MBD5: variants seen among roughly 807,000 people sequenced by gnomAD.
The protein encoded by MBD5 is methyl-CpG binding domain protein 5.
A neutral mutation model predicts 117.3 loss-of-function variants in MBD5; 13 were observed. That is an observed-to-expected ratio of 0.11 (90% CI 0.07 to 0.18). The LOEUF is 0.18. Ranked by LOEUF, MBD5 falls within the 10% of genes least tolerant of loss-of-function variation. MBD5 has a pLI of 1.00. For missense variants in MBD5, 1,879 were observed against 2,093.8 expected (o/e 0.90, Z 2.00); for synonymous variants, 727 against 766.4 (o/e 0.95, Z 0.85).
At chr2:148,433,933 C>CTTT (rs61171923) in intron 4 of MBD5, among the ~76,000 whole-genome samples, 12 of 145,410 alleles carry the variant, frequency 8.3e-5, no homozygotes, top group Non-Finnish European at 1.4e-4. Context: ...TTTCATTTTT[C>CTTT]TTTTTTTTTT....
chr2:148,328,116 T>G (rs1056100034), intron 3 of MBD5, among the ~76,000 whole-genome samples: 1 of 152,214 alleles, frequency 6.6e-6, no homozygotes, highest in African/African-American at 2.4e-5. Flanking sequence ...GGTGTCAGTC[T>G]GCCCCTGCTG....
intron 3 of MBD5, among the ~76,000 whole-genome samples, chr2:148,316,688 T>TA (rs1702165367): frequency 6.6e-6 from 1 of 152,166 alleles, no homozygotes; most frequent in African/African-American, 2.4e-5. Flanking sequence ...AAATACTTCT[T>TA]ACAATAATAA....
intron 1 of MBD5, among the ~76,000 whole-genome samples, chr2:148,108,442 G>A (rs911466547): frequency 6.6e-6 from 1 of 151,700 alleles, no homozygotes; most frequent in African/African-American, 2.4e-5. Flanking sequence ...GATCAATGTG[G>A]TGTGTCTAGT....
intron 4 of MBD5, among the ~76,000 whole-genome samples, chr2:148,446,768 G>A (rs1049028675): frequency 6.6e-6 from 1 of 151,950 alleles, no homozygotes; most frequent in Non-Finnish European, 1.5e-5. Context: ...AGTGTTTCAA[G>A]GATTATTTTA....
At chr2:148,038,440 C>CT (rs1558897557) in intron 1 of MBD5, among the ~76,000 whole-genome samples, 3 of 146,570 alleles carry the variant, frequency 2.0e-5, no homozygotes, top group Admixed American at 1.4e-4. Flanking sequence ...AGGGTTGTAT[C>CT]TTTTTTCTTT....
At chr2:148,421,534 T>G (rs968430343) in intron 4 of MBD5, among the ~76,000 whole-genome samples, 17 of 152,054 alleles carry the variant, frequency 1.1e-4, no homozygotes, top group African/African-American at 3.6e-4. Context: ...GCAGAAGTTT[T>G]TTTTTTTTTC....
chr2:148,266,791 G>C (rs575402148), intron 3 of MBD5, among the ~76,000 whole-genome samples: 52 of 152,038 alleles, frequency 3.4e-4, no homozygotes, highest in Non-Finnish European at 7.4e-4. Flanking sequence ...TTTATCTGAA[G>C]AAAACTATAA....
At chr2:148,473,601 A>C (rs572637951) in intron 8 of MBD5, among the ~76,000 whole-genome samples, 2 of 152,268 alleles carry the variant, frequency 1.3e-5, no homozygotes, top group South Asian at 4.1e-4. Flanking sequence ...TTCCATTGGT[A>C]ATCTATTTTT....
Position 148,489,967 on chromosome 2 carries a change from C to T in MBD5, c.4335C>T (p.Tyr1445=), listed in dbSNP as rs368825815. ...SPRGERNRWK[Y]EEFLDHPGHI... ...GAGGGGAGCGAAACAGGTGGAAGTA[C>T]GAGGAATTTTTAGATCATCCAGGCC... Residue 1445 remains tyrosine, a synonymous_variant, in exon 11 of 14, where the codon TAC becomes TAT. Transcript: ENST00000642680. The T allele has an allele frequency of 3.0e-5, 48 of 1,613,708 alleles. No individual in the cohort carries two copies. Among genetic ancestry groups the T allele is most frequent in the Middle Eastern group, 1.6e-4 (1 of 6,084 alleles).
At chr2:148,206,283 T>C (rs1039115374) in intron 2 of MBD5, among the ~76,000 whole-genome samples, 4 of 152,202 alleles carry the variant, frequency 2.6e-5, no homozygotes, top group Non-Finnish European at 5.9e-5. Flanking sequence ...TTTAACATTT[T>C]ACTAAGGGGA....
intron 1 of MBD5, among the ~76,000 whole-genome samples, chr2:148,176,733 A>G (rs1047653128): frequency 6.6e-6 from 1 of 152,168 alleles, no homozygotes; most frequent in African/African-American, 2.4e-5. Flanking sequence ...TAAAACATTA[A>G]TAGCCTATTT....
chr2:148,128,046 CTGTT>C (rs910354563), intron 1 of MBD5, among the ~76,000 whole-genome samples: 2 of 152,116 alleles, frequency 1.3e-5, no homozygotes, highest in African/African-American at 4.8e-5. Flanking sequence ...TGAGAAGTGT[CTGTT>C]CATGTCCTTT....
chr2:148,255,498 A>G (rs564844360), intron 3 of MBD5, among the ~76,000 whole-genome samples: 66 of 152,294 alleles, frequency 4.3e-4, no homozygotes, highest in African/African-American at 1.6e-3. Context: ...ACCACTGGCA[A>G]TGGGGTGCTT....
At chr2:148,151,842 A>G (rs1332539431) in intron 1 of MBD5, among the ~76,000 whole-genome samples, 1 of 151,008 alleles carries the variant, frequency 6.6e-6, no homozygotes, top group Non-Finnish European at 1.5e-5. Context: ...TTCTTTCTTT[A>G]TTCGTCTTGC....
intron 1 of MBD5, among the ~76,000 whole-genome samples, chr2:148,174,416 G>A (rs752738465): frequency 1.3e-5 from 2 of 151,986 alleles, no homozygotes; most frequent in African/African-American, 4.8e-5. Flanking sequence ...GGATTTGACC[G>A]CAAAAGTGCA....
At chr2:148,040,191 A>G (rs1271061882) in intron 1 of MBD5, among the ~76,000 whole-genome samples, 3 of 152,134 alleles carry the variant, frequency 2.0e-5, no homozygotes, top group Admixed American at 6.5e-5. Flanking sequence ...TAAAAGTTAA[A>G]AAGTAATAAC....
At chr2:148,149,634 A>T (rs933975222) in intron 1 of MBD5, among the ~76,000 whole-genome samples, 1 of 151,948 alleles carries the variant, frequency 6.6e-6, no homozygotes, top group Non-Finnish European at 1.5e-5. Flanking sequence ...TCGCCATTCT[A>T]ACTGGTGTGA....
At chr2:148,141,887 G>A (rs1200928526) in intron 1 of MBD5, among the ~76,000 whole-genome samples, 1 of 151,996 alleles carries the variant, frequency 6.6e-6, no homozygotes, top group African/African-American at 2.4e-5. Context: ...GAGGCAGGAG[G>A]ATCTCTTGAG....
intron 2 of MBD5, among the ~76,000 whole-genome samples, chr2:148,183,581 TC>T (rs1698580220): frequency 6.6e-6 from 1 of 152,136 alleles, no homozygotes; most frequent in Non-Finnish European, 1.5e-5. Context: ...CATTCTGACA[TC>T]CCTTTGTCTC....
Sources: allele counts gnomAD v4.1 joint callset (sites outside exome capture counted in the v4.1 genomes callset), GRCh38; gene constraint gnomAD v4.1.1; transcripts MANE v1.5; gene names NCBI Gene and HGNC (gene_info 2026-07-23, HGNC 2026-07-21).